GPC6: variants seen among roughly 807,000 people sequenced by gnomAD.
GPC6 encodes glypican-6.
A neutral mutation model predicts 55.2 loss-of-function variants in GPC6; 14 were observed. The ratio of observed to expected loss-of-function variants is 0.25; its 90% CI spans 0.17 to 0.40. The LOEUF (loss-of-function observed/expected upper bound fraction) is 0.40, where lower values mean the gene tolerates loss of function less well. GPC6 is among the 10% of genes least tolerant of loss of function. GPC6 has a pLI of 1.00. For synonymous variants in GPC6, 278 were observed against 259.6 expected, an observed-to-expected ratio of 1.07 and a Z score of -0.68; for missense variants, 641 against 708.5, an observed-to-expected ratio of 0.90 and a Z score of 1.08.
At chr13:93,719,887 A>G (rs1015811437) in intron 2 of GPC6, among the ~76,000 whole-genome samples, 1 of 152,126 alleles carries the variant, frequency 6.6e-6, no homozygotes, top group Non-Finnish European at 1.5e-5. Context: ...GATTACATTT[A>G]TTGATTTGCA....
At chr13:93,770,596 G>C (rs1885259538) in intron 2 of GPC6, among the ~76,000 whole-genome samples, 1 of 152,100 alleles carries the variant, frequency 6.6e-6, no homozygotes, top group Non-Finnish European at 1.5e-5. Context: ...AGGTAGAAAG[G>C]CTTATCCACA....
chr13:94,370,494 A>G (rs950593955), intron 6 of GPC6, among the ~76,000 whole-genome samples: 5 of 152,368 alleles, frequency 3.3e-5, no homozygotes, highest in East Asian at 3.9e-4. Flanking sequence ...AACCTGTCTT[A>G]TAAAAGGCAC....
chr13:94,366,963 G>A (rs1879314354), intron 6 of GPC6, among the ~76,000 whole-genome samples: 1 of 152,234 alleles, frequency 6.6e-6, no homozygotes. Context: ...TGCCAAGAGA[G>A]GAGGAAGAAT....
At chr13:93,554,999 A>G (rs1407646046) in intron 2 of GPC6, among the ~76,000 whole-genome samples, 1 of 152,256 alleles carries the variant, frequency 6.6e-6, no homozygotes, top group Non-Finnish European at 1.5e-5. Context: ...CCAGTAGAAT[A>G]TAAACGACTT....
intron 3 of GPC6, among the ~76,000 whole-genome samples, chr13:93,992,267 TA>T (rs1191292717): frequency 6.6e-6 from 1 of 151,902 alleles, no homozygotes; most frequent in Non-Finnish European, 1.5e-5. Context: ...TACTTCTTTT[TA>T]TGTTTTATTT....
chr13:94,234,302 A>G (rs1404655500), intron 4 of GPC6, among the ~76,000 whole-genome samples: 1 of 152,092 alleles, frequency 6.6e-6, no homozygotes, highest in Non-Finnish European at 1.5e-5. Flanking sequence ...CCATGTTTAC[A>G]GGTATAACTA....
chr13:93,985,915 G>A (rs910313985), intron 3 of GPC6, among the ~76,000 whole-genome samples: 3 of 151,860 alleles, frequency 2.0e-5, no homozygotes, highest in African/African-American at 4.8e-5. Flanking sequence ...GAGGACAACC[G>A]GTTCTCTATG....
intron 3 of GPC6, among the ~76,000 whole-genome samples, chr13:93,940,079 T>G (rs979389906): frequency 1.3e-5 from 2 of 152,196 alleles, no homozygotes; most frequent in South Asian, 4.1e-4. Context: ...CCCAAAGCAC[T>G]TTATTTCAAC....
intron 1 of GPC6, among the ~76,000 whole-genome samples, chr13:93,403,425 A>G (rs771032084): frequency 6.6e-6 from 1 of 152,136 alleles, no homozygotes; most frequent in Non-Finnish European, 1.5e-5. Flanking sequence ...CTTACTCCAT[A>G]ATCCGTTAGG....
At chr13:94,176,180 A>C (rs1472280284) in intron 4 of GPC6, among the ~76,000 whole-genome samples, 1 of 152,050 alleles carries the variant, frequency 6.6e-6, no homozygotes, top group African/African-American at 2.4e-5. Flanking sequence ...ATTTTTTTTC[A>C]ATAAGACCCT....
chr13:93,569,098 TG>T (rs1221623055), intron 2 of GPC6, among the ~76,000 whole-genome samples: 8 of 152,324 alleles, frequency 5.3e-5, no homozygotes, highest in Admixed American at 2.0e-4. Context: ...AGGCTAGTTT[TG>T]TTTGAAATAT....
chr13:93,393,329 G>A (rs1875719537), intron 1 of GPC6, among the ~76,000 whole-genome samples: 1 of 151,592 alleles, frequency 6.6e-6, no homozygotes, highest in African/African-American at 2.4e-5. Flanking sequence ...TAGTAGAGAT[G>A]GAATTTCACC....
intron 4 of GPC6, among the ~76,000 whole-genome samples, chr13:94,041,081 G>A (rs924212290): frequency 4.6e-5 from 7 of 151,854 alleles, no homozygotes; most frequent in African/African-American, 1.7e-4. Flanking sequence ...GCCAGTGAAG[G>A]TATGAACATC....
intron 3 of GPC6, among the ~76,000 whole-genome samples, chr13:93,960,678 C>T (rs1030977428): frequency 1.3e-5 from 2 of 152,060 alleles, no homozygotes; most frequent in South Asian, 2.1e-4. Flanking sequence ...AAGTTTTTTT[C>T]CATCTCATTT....
At chr13:93,554,482 A>G (rs1199756235) in intron 2 of GPC6, among the ~76,000 whole-genome samples, 3 of 152,192 alleles carry the variant, frequency 2.0e-5, no homozygotes, top group African/African-American at 7.2e-5. Flanking sequence ...AGTGTGATTG[A>G]ATTTGTTAAA....
chr13:93,298,817 A>G (rs931923720), intron 1 of GPC6, among the ~76,000 whole-genome samples: 1 of 151,208 alleles, frequency 6.6e-6, no homozygotes, highest in Non-Finnish European at 1.5e-5. Context: ...CTGGGAGTCT[A>G]GGTTAGGTAT....
At chr13:94,306,863 T>C (rs1356455951) in intron 6 of GPC6, among the ~76,000 whole-genome samples, 1 of 152,250 alleles carries the variant, frequency 6.6e-6, no homozygotes, top group African/African-American at 2.4e-5. Context: ...GTAAACACTT[T>C]ATATACCTAC....
chr13:93,861,514 G>A (rs79131802), intron 3 of GPC6, among the ~76,000 whole-genome samples: 81 of 151,502 alleles, frequency 5.3e-4, no homozygotes, highest in African/African-American at 1.8e-3. Flanking sequence ...TAGATAGGAC[G>A]GGCAAATAAC....
chr13:93,416,080 T>A (rs1876686105), intron 1 of GPC6, among the ~76,000 whole-genome samples: 1 of 152,134 alleles, frequency 6.6e-6, no homozygotes, highest in African/African-American at 2.4e-5. Flanking sequence ...ACACCTTAAT[T>A]TTGTGATTTG....
Sources: allele counts gnomAD v4.1 joint callset (sites outside exome capture counted in the v4.1 genomes callset), GRCh38; gene constraint gnomAD v4.1.1; transcripts MANE v1.5; gene names NCBI Gene and HGNC (gene_info 2026-07-23, HGNC 2026-07-21).